BRI3BP: variants seen among roughly 807,000 people sequenced by gnomAD.
BRI3BP encodes the protein BRI3-binding protein.
BRI3BP carries 7 observed loss-of-function variants against 15.8 expected under a neutral mutation model. The ratio of observed to expected loss-of-function variants is 0.44; its 90% CI spans 0.25 to 0.83. BRI3BP has a LOEUF of 0.83. Among genes scored for constraint, BRI3BP ranks in the 40% least tolerant of loss-of-function variants. The pLI, the probability that BRI3BP is intolerant of heterozygous loss-of-function variation, is 0.20. For missense variants in BRI3BP, 320 were observed against 339.3 expected, an observed-to-expected ratio of 0.94 and a Z score of 0.45; for synonymous variants, 192 against 163.5, an observed-to-expected ratio of 1.17 and a Z score of -1.33.
At chr12:124,998,609 G>A (rs954923465) in intron 1 of BRI3BP, among the ~76,000 whole-genome samples, 4 of 152,114 alleles carry the variant, frequency 2.6e-5, no homozygotes, top group African/African-American at 9.7e-5. Context: ...GGCTGGGGGA[G>A]GGAGCAATGG....
the BRI3BP span, among the ~76,000 whole-genome samples, chr12:125,042,796 C>G: frequency 3.9e-5 from 6 of 152,080 alleles, no homozygotes. Flanking sequence ...CTTGGCCTCC[C>G]AAAGTGCTAG....
chr12:124,993,951 C>G lies in BRI3BP; in HGVS notation c.161C>G (p.Ser54Cys). The change falls in exon 1 of 3, where the codon TCC (serine) becomes TGC (cysteine). Residue 54 changes from serine (S) to cysteine (C), a missense_variant. Ser to Cys is a moderately radical substitution (Grantham distance 112, BLOSUM62 -1). Transcript: ENST00000341446. Reference protein sequence around the residue: ...NSYRRTVNTFSQSVSSLFGED... With the variant: ...NSYRRTVNTFCQSVSSLFGED... ...TACCGCCGCACGGTCAACACCTTCT[C>G]CCAGAGCGTCAGCAGCCTGTTCGGC... is the stretch of plus-strand genomic sequence containing the variant. 1.5e-6 allele frequency: 2 copies of G among 1,371,306 alleles called. No homozygotes were observed. The highest frequency in any genetic ancestry group is 1.9e-6 in the Non-Finnish European group (2 of 1,048,758). 84.9% of individuals were successfully genotyped at this position (1,371,306 alleles called of 1,614,324 possible). A position where few individuals can be genotyped will look rare whatever the true frequency, so the allele number is the denominator to read the frequency against.
chr12:125,019,660 C>CTTTTTTTTTTTTTTTTTTTTTTTTTT lies in BRI3BP; in HGVS notation c.317-5325_317-5324insTTTTTTTTTTTTTTTTTTTTTTTTTT, dbSNP rs1955278838. ...CTTTTTTTTTTTTTTTTTTTTTTGC[C>CTTTTTTTTTTTTTTTTTTTTTTTTTT]TTTTTTGCTGTGAGTACTTGAAAAT... On this transcript the variant is annotated intron_variant, in intron 2 of 2. Transcript: ENST00000341446. Among the ~76,000 whole-genome samples, 56 of 24,734 alleles carry CTTTTTTTTTTTTTTTTTTTTTTTTTT rather than the reference C, an allele frequency of 2.3e-3. 7 individuals are homozygous for CTTTTTTTTTTTTTTTTTTTTTTTTTT. The highest frequency in any genetic ancestry group is 0.024 in the Middle Eastern group (1 of 42). 16.2% of individuals were successfully genotyped at this position (24,734 alleles called of 152,430 possible).
At chr12:125,047,219 G>A in the BRI3BP span, among the ~76,000 whole-genome samples, 3 of 151,634 alleles carry the variant, frequency 2.0e-5, no homozygotes, top group Non-Finnish European at 4.4e-5. Context: ...CGCGATCTCG[G>A]CTCACTGCAA....
rs1048596650 is a variant in BRI3BP, at chr12:125,029,503, G to A, written c.*4073G>A. 1 of 149,466 alleles carries A rather than the reference G, an allele frequency of 6.7e-6. No individual in the cohort carries two copies. Among genetic ancestry groups the A allele is most frequent in the African/African-American group, 2.5e-5 (1 of 40,392 alleles). 9.3% of individuals were successfully genotyped at this position (149,466 alleles called of 1,614,324 possible). On this transcript the variant is annotated 3_prime_UTR_variant, in exon 3 of 3. Coordinates refer to ENST00000341446, the MANE Select transcript of BRI3BP (RefSeq NM_080626.6). Reference sequence around the variant, plus strand: ...ACTGAGATCACACCACTGTACTCCAGTTGAGGCGACAGAGTGAGACCCAGT... The same window carrying A: ...ACTGAGATCACACCACTGTACTCCAATTGAGGCGACAGAGTGAGACCCAGT...
downstream of BRI3BP, among the ~76,000 whole-genome samples, chr12:125,035,965 A>G (rs1197072669): frequency 6.6e-6 from 1 of 152,126 alleles, no homozygotes; most frequent in African/African-American, 2.4e-5. Flanking sequence ...TGAAGCCCCA[A>G]AGAAAAGCAA....
chr12:125,043,477 C>A, the BRI3BP span, among the ~76,000 whole-genome samples: 16 of 152,018 alleles, frequency 1.1e-4, no homozygotes, highest in Admixed American at 7.9e-4. Flanking sequence ...ATAATCCCAG[C>A]ACTTTGGAAG....
the BRI3BP span, among the ~76,000 whole-genome samples, chr12:125,037,349 C>T: frequency 6.6e-6 from 1 of 152,202 alleles, no homozygotes; most frequent in African/African-American, 2.4e-5. Context: ...TGAGCCGCCA[C>T]GCCCTGCCAA....
intron 2 of BRI3BP, among the ~76,000 whole-genome samples, chr12:125,023,611 A>G (rs1001365752): frequency 6.6e-6 from 1 of 152,166 alleles, no homozygotes; most frequent in Admixed American, 6.5e-5. Flanking sequence ...GCAGTGGCAC[A>G]TTATGGCTCA....
At chr12:125,010,091 G>C (rs113832730) in intron 1 of BRI3BP, among the ~76,000 whole-genome samples, 3 of 143,440 alleles carry the variant, frequency 2.1e-5, no homozygotes, top group Admixed American at 7.0e-5. Flanking sequence ...GACAGAGTGA[G>C]ACCCTGTCTC....
At chr12:125,050,617 C>T in the BRI3BP span, among the ~76,000 whole-genome samples, 2 of 152,362 alleles carry the variant, frequency 1.3e-5, no homozygotes, top group Admixed American at 1.3e-4. Context: ...GTCGGGGAAC[C>T]CCCAAGGGAA....
At chr12:124,997,663 G>A (rs898822163) in intron 1 of BRI3BP, among the ~76,000 whole-genome samples, 45 of 152,136 alleles carry the variant, frequency 3.0e-4, no homozygotes, top group Admixed American at 1.7e-3. Flanking sequence ...TTGTCTGGTA[G>A]GAGGTAATAG....
At chr12:125,042,194 G>A in the BRI3BP span, among the ~76,000 whole-genome samples, 1 of 152,210 alleles carries the variant, frequency 6.6e-6, no homozygotes, top group Non-Finnish European at 1.5e-5. Flanking sequence ...GTGCAGGTTT[G>A]TAATGTAGGT....
chr12:125,002,456 G>GT (rs1565902224), intron 1 of BRI3BP, among the ~76,000 whole-genome samples: 5 of 131,156 alleles, frequency 3.8e-5, no homozygotes, highest in South Asian at 2.3e-4. Context: ...TTTTTTTTTT[G>GT]TTTTGTTTTT....
At chr12:125,032,830 A>C (rs1955416813), downstream of BRI3BP, among the ~76,000 whole-genome samples, 1 of 152,192 alleles carries the variant, frequency 6.6e-6, no homozygotes, top group South Asian at 2.1e-4. Context: ...TAAACACCAT[A>C]GGCCGAGGAG....
rs572561367 is a variant in BRI3BP at position 124,997,848 on chromosome 12, G to A, written c.213+3845G>A. On this transcript the variant is annotated intron_variant, in intron 1 of 2. Coordinates refer to ENST00000341446, the MANE Select transcript of BRI3BP (RefSeq NM_080626.6). ...TACTAAAAATACAAAAATTAGGCCA[G>A]GTGTGGTGGCTCACGCCTGTAATCC... Among the ~76,000 whole-genome samples, 12 of 152,158 alleles carry A rather than the reference G, an allele frequency of 7.9e-5. No homozygotes were observed. The South Asian group carries it at 2.5e-3, about 32-fold the overall frequency.
downstream of BRI3BP, among the ~76,000 whole-genome samples, chr12:125,035,394 CTTTTTT>C (rs55943185): frequency 7.6e-6 from 1 of 131,932 alleles, no homozygotes; most frequent in Non-Finnish European, 1.7e-5. Flanking sequence ...TAGGTATTGT[CTTTTTT>C]TTTTTTTTTT....
At chr12:125,038,661 A>G in the BRI3BP span, among the ~76,000 whole-genome samples, 2 of 152,210 alleles carry the variant, frequency 1.3e-5, no homozygotes, top group Admixed American at 1.3e-4. Flanking sequence ...GCTACTCAGG[A>G]AGCTGAGGCA....
At chr12:125,009,524 A>G (rs1396879574) in intron 1 of BRI3BP, among the ~76,000 whole-genome samples, 1 of 152,066 alleles carries the variant, frequency 6.6e-6, no homozygotes, top group Admixed American at 6.6e-5. Context: ...TCCTGGCCTC[A>G]GGTGATCTAC....
Sources: allele counts gnomAD v4.1 joint callset (sites outside exome capture counted in the v4.1 genomes callset), GRCh38; gene constraint gnomAD v4.1.1; transcripts MANE v1.5; gene names NCBI Gene and HGNC (gene_info 2026-07-23, HGNC 2026-07-21).